The following ENTREP2 variants were observed in gnomAD, a reference collection of about 807,000 sequenced individuals.
ENTREP2 encodes endosomal transmembrane epsin interactor 2, also known as protein ENTREP2.
At chr15:29,200,753 G>C in the ENTREP2 span, among the ~76,000 whole-genome samples, 1 of 151,874 alleles carries the variant, frequency 6.6e-6, no homozygotes, top group Non-Finnish European at 1.5e-5. Flanking sequence ...GTAGAGATGG[G>C]GTTTCGCCAT....
the ENTREP2 span, among the ~76,000 whole-genome samples, chr15:29,219,614 A>AATATAAAT: frequency 1.0e-4 from 4 of 38,402 alleles, no homozygotes; most frequent in Non-Finnish European, 2.1e-4. Context: ...GTGGTGCATA[A>AATATAAAT]ATATATATAT....
At chr15:29,210,007 T>C in the ENTREP2 span, among the ~76,000 whole-genome samples, 1 of 152,210 alleles carries the variant, frequency 6.6e-6, no homozygotes, top group South Asian at 2.1e-4. Context: ...CTTTTTACTT[T>C]CTGCATTTTA....
the ENTREP2 span, among the ~76,000 whole-genome samples, chr15:29,435,671 C>T: frequency 1.3e-5 from 2 of 151,544 alleles, no homozygotes; most frequent in Non-Finnish European, 2.9e-5. Flanking sequence ...TATATATACA[C>T]ATATATATAC....
the ENTREP2 span, among the ~76,000 whole-genome samples, chr15:29,326,957 GA>G: frequency 6.6e-6 from 1 of 151,790 alleles, no homozygotes; most frequent in Non-Finnish European, 1.5e-5. Flanking sequence ...TCATTCAATG[GA>G]AAAAAGAGAA....
the ENTREP2 span, among the ~76,000 whole-genome samples, chr15:29,449,186 G>A: frequency 6.6e-6 from 1 of 152,228 alleles, no homozygotes; most frequent in Non-Finnish European, 1.5e-5. Flanking sequence ...TGAGAACAGA[G>A]GGGTCTCTGT....
At chr15:29,459,321 CTA>C in the ENTREP2 span, among the ~76,000 whole-genome samples, 5 of 152,176 alleles carry the variant, frequency 3.3e-5, no homozygotes, top group Non-Finnish European at 7.3e-5. Flanking sequence ...AGTGGCAGCT[CTA>C]TGAAATCGTT....
chr15:29,364,981 G>C, the ENTREP2 span, among the ~76,000 whole-genome samples: 7 of 152,102 alleles, frequency 4.6e-5, no homozygotes, highest in Non-Finnish European at 1.0e-4. Flanking sequence ...TACATTCTAT[G>C]GGTTTGGAGA....
the ENTREP2 span, among the ~76,000 whole-genome samples, chr15:29,342,761 G>A: frequency 6.6e-6 from 1 of 152,022 alleles, no homozygotes; most frequent in Non-Finnish European, 1.5e-5. Context: ...CATGTGATTA[G>A]GCCATTTCTG....
the ENTREP2 span, among the ~76,000 whole-genome samples, chr15:29,193,320 C>T: frequency 2.0e-5 from 3 of 152,128 alleles, no homozygotes; most frequent in African/African-American, 7.2e-5. Flanking sequence ...AACATCTGAT[C>T]GTCTGGGGAC....
the ENTREP2 span, among the ~76,000 whole-genome samples, chr15:29,329,651 G>C: frequency 6.6e-6 from 1 of 152,074 alleles, no homozygotes; most frequent in African/African-American, 2.4e-5. Flanking sequence ...CATGGACTAG[G>C]GCAGGAAACA....
chr15:29,155,495 C>T, the ENTREP2 span, among the ~76,000 whole-genome samples: 6 of 152,124 alleles, frequency 3.9e-5, no homozygotes, highest in Non-Finnish European at 8.8e-5. Flanking sequence ...TTCATATGCA[C>T]GTGCTAACCA....
At chr15:29,310,503 TC>T in the ENTREP2 span, among the ~76,000 whole-genome samples, 1 of 152,070 alleles carries the variant, frequency 6.6e-6, no homozygotes, top group African/African-American at 2.4e-5. Flanking sequence ...CTGGGGGATC[TC>T]CCCACCCTGT....
chr15:29,159,347 G>A, the ENTREP2 span, among the ~76,000 whole-genome samples: 3 of 152,162 alleles, frequency 2.0e-5, no homozygotes, highest in East Asian at 5.8e-4. Flanking sequence ...CGGTGTTACA[G>A]CTCATAAAGG....
the ENTREP2 span, among the ~76,000 whole-genome samples, chr15:29,243,493 T>C: frequency 6.6e-6 from 1 of 152,154 alleles, no homozygotes; most frequent in Non-Finnish European, 1.5e-5. Context: ...TGCCAATCTA[T>C]ACAGTATTAT....
At chr15:29,235,583 T>C in the ENTREP2 span, among the ~76,000 whole-genome samples, 1 of 152,188 alleles carries the variant, frequency 6.6e-6, no homozygotes, top group Non-Finnish European at 1.5e-5. Flanking sequence ...AAAGCAATAC[T>C]GAGAGGGAAA....
chr15:29,288,734 A>C, the ENTREP2 span, among the ~76,000 whole-genome samples: 1 of 152,272 alleles, frequency 6.6e-6, no homozygotes, highest in South Asian at 2.1e-4. Flanking sequence ...TCTAGGCTTG[A>C]GTAAGTACTC....
chr15:29,249,821 T>C, the ENTREP2 span, among the ~76,000 whole-genome samples: 1 of 152,084 alleles, frequency 6.6e-6, no homozygotes, highest in African/African-American at 2.4e-5. Flanking sequence ...TCTGCTTGAC[T>C]TCTGGGGAGG....
At chr15:29,398,480 T>C in the ENTREP2 span, among the ~76,000 whole-genome samples, 2 of 152,164 alleles carry the variant, frequency 1.3e-5, no homozygotes, top group Non-Finnish European at 1.5e-5. Context: ...TGCCAGCACT[T>C]TGGGAGGCCG....
chr15:29,657,953 T>C, the ENTREP2 span, among the ~76,000 whole-genome samples: 110 of 151,866 alleles, frequency 7.2e-4, 1 homozygote, highest in Non-Finnish European at 4.9e-4. Context: ...GAATCTCAAA[T>C]GTGCTATTGT....
Sources: allele counts gnomAD v4.1 joint callset (sites outside exome capture counted in the v4.1 genomes callset), GRCh38; gene constraint gnomAD v4.1.1; transcripts MANE v1.5; gene names NCBI Gene and HGNC (gene_info 2026-07-23, HGNC 2026-07-21).